TOGARAM1: variants seen among roughly 807,000 people sequenced by gnomAD.
The protein encoded by TOGARAM1 is TOG array regulator of axonemal microtubules protein 1.
A neutral mutation model predicts 166.6 loss-of-function variants in TOGARAM1; 100 were observed. That is an observed-to-expected ratio of 0.60 (90% confidence interval 0.51 to 0.71). The LOEUF (loss-of-function observed/expected upper bound fraction) is 0.71. TOGARAM1 is among the 30% of genes least tolerant of loss of function. The pLI is 0.00. For synonymous variants in TOGARAM1, 758 were observed against 763.8 expected (o/e 0.99, Z 0.13); for missense variants, 2,029 against 2,102.7 (o/e 0.96, Z 0.69).
At chr14:44,986,649 A>G (rs894154883) in intron 1 of TOGARAM1, among the ~76,000 whole-genome samples, 2 of 151,868 alleles carry the variant, frequency 1.3e-5, no homozygotes, top group African/African-American at 2.4e-5. Flanking sequence ...AAAACTTTGA[A>G]GTTTATTAAG....
intron 1 of TOGARAM1, among the ~76,000 whole-genome samples, chr14:44,982,029 G>A (rs183022253): frequency 6.6e-6 from 1 of 152,040 alleles, no homozygotes; most frequent in African/African-American, 2.4e-5. Context: ...TTTCAGTAGA[G>A]GTGGGGTTTT....
chr14:44,979,998 T>C (rs1013156964), intron 1 of TOGARAM1, among the ~76,000 whole-genome samples: 4 of 152,168 alleles, frequency 2.6e-5, no homozygotes, highest in Admixed American at 1.3e-4. Flanking sequence ...ATTAGTGTTA[T>C]AATATTGAAA....
In TOGARAM1 at chr14:44,963,223, G is replaced by A; in HGVS notation, c.802G>A (p.Glu268Lys). Reference protein sequence around the residue: ...ISLARKLGDQETEEESETAFS... With the variant: ...ISLARKLGDQKTEEESETAFS... ...CCTAGCCCGAAAGCTTGGTGATCAG[G>A]AGACAGAAGAAGAATCTGAGACAGC... is the stretch of plus-strand genomic sequence containing the variant. The change falls in exon 1 of 20, where the codon GAG (glutamate) becomes AAG (lysine). Residue 268 changes from glutamate to lysine, a missense_variant. Glu to Lys is a moderately conservative substitution (Grantham distance 56). This residue lies in a region of TOGARAM1 where 1,453 missense variants were observed against 1,432.2 expected (regional missense o/e 1.01). Coordinates refer to ENST00000361462, the MANE Select transcript of TOGARAM1 (RefSeq NM_001308120.2). 1 of 1,614,168 alleles carries A rather than the reference G, an allele frequency of 6.2e-7. No individual in the cohort carries two copies. The highest frequency in any genetic ancestry group is 8.5e-7 in the Non-Finnish European group (1 of 1,180,036).
rs555217689 is a variant in TOGARAM1 at position 45,073,646 on chromosome 14, G to C, written c.*85G>C. On this transcript the variant is annotated 3_prime_UTR_variant, in exon 20 of 20. Coordinates refer to ENST00000361462, the MANE Select transcript of TOGARAM1 (RefSeq NM_001308120.2). The stretch of plus-strand genomic sequence containing the variant: ...TCTAAAAGTTATGTTATCAGTGCCT[G>C]CACTTCACATCCAGCAAATTAAGTC... 7.8e-7 allele frequency: 1 copy of C among 1,278,540 alleles called. No homozygotes were observed. Among genetic ancestry groups the C allele is most frequent in the South Asian group, 1.5e-5 (1 of 67,722 alleles). 79.2% of individuals were successfully genotyped at this position (1,278,540 alleles called of 1,614,324 possible).
chr14:44,962,441 C>T lies in TOGARAM1; in HGVS notation c.20C>T (p.Ala7Val), dbSNP rs1474886577. The stretch of plus-strand genomic sequence containing the variant: ...CCCTGCATGGCGGCTGCCCCCTCCG[C>T]GCTGCTTCTGCTGCCGCCCTTTCCA... MAAAPS[A>V]LLLLPPFPVL... The change falls in exon 1 of 20, where the codon GCG becomes GTG. Residue 7 changes from alanine to valine, a missense_variant. Physicochemically the swap from Ala to Val is moderately conservative, Grantham distance 64 (BLOSUM62 0). Coordinates refer to ENST00000361462, the MANE Select transcript of TOGARAM1 (RefSeq NM_001308120.2). 3 of 1,570,570 alleles carry T rather than the reference C, an allele frequency of 1.9e-6. No homozygotes were observed. Among genetic ancestry groups the T allele is most frequent in the South Asian group, 2.3e-5 (2 of 85,656 alleles).
chr14:45,028,408 A>G, intron 10 of TOGARAM1, 79 bp downstream of exon 10: 1 of 1,381,062 alleles, frequency 7.2e-7, no homozygotes, highest in Non-Finnish European at 9.9e-7. Flanking sequence ...CACTGAGGGT[A>G]ATATATGACT....
At chr14:45,014,190 C>T (rs1362291075) in intron 7 of TOGARAM1, among the ~76,000 whole-genome samples, 3 of 151,932 alleles carry the variant, frequency 2.0e-5, no homozygotes, top group East Asian at 1.9e-4. Context: ...GGACTACAGG[C>T]GCCTGCCACT....
In TOGARAM1 at chr14:44,963,263, A is replaced by C; in HGVS notation, c.842A>C (p.Gln281Pro). 1 of 1,614,148 alleles carries C rather than the reference A, an allele frequency of 6.2e-7. No individual in the cohort carries two copies. Among genetic ancestry groups the C allele is most frequent in the Non-Finnish European group, 8.5e-7 (1 of 1,180,030 alleles). ...EESETAFSAL[Q>P]QIGERLGQDR... is the part of the protein sequence containing the mutation. Reference sequence around the variant, plus strand: ...TCTGAGACAGCTTTCTCCGCACTTCAACAAATTGGGGAGCGACTTGGCCAA... The same window carrying C: ...TCTGAGACAGCTTTCTCCGCACTTCCACAAATTGGGGAGCGACTTGGCCAA... Residue 281 changes from glutamine to proline, a missense_variant, in exon 1 of 20, where the codon CAA (glutamine) becomes CCA (proline). This residue lies in a region of TOGARAM1 where 1,453 missense variants were observed against 1,432.2 expected (regional missense o/e 1.01). Transcript: ENST00000361462.
chr14:44,964,077 T>C lies in TOGARAM1; in HGVS notation c.1656T>C (p.Ala552=). ...GTAAAACCAGCATCCTTTTTAAAGC[T>C]GTGGATACAGTTGAACTGCAAGATA... is the stretch of plus-strand genomic sequence containing the variant. ...GSGKTSILFK[A]VDTVELQDNG... Residue 552 remains alanine (A), a synonymous_variant, in exon 1 of 20, where the codon GCT becomes GCC. Coordinates refer to ENST00000361462, the MANE Select transcript of TOGARAM1 (RefSeq NM_001308120.2). 1 of 1,614,158 alleles carries C rather than the reference T, an allele frequency of 6.2e-7. No individual in the cohort carries two copies. The highest frequency in any genetic ancestry group is 8.5e-7 in the Non-Finnish European group (1 of 1,179,972).
intron 6 of TOGARAM1, among the ~76,000 whole-genome samples, chr14:45,010,179 A>AATATTAATG (rs367875784): frequency 7.2e-5 from 11 of 152,194 alleles, no homozygotes; most frequent in African/African-American, 2.7e-4. Flanking sequence ...TGTTCTAAAT[A>AATATTAATG]GATCATAATG....
At chr14:45,015,014 G>C (rs1169263365) in intron 7 of TOGARAM1, among the ~76,000 whole-genome samples, 3 of 152,002 alleles carry the variant, frequency 2.0e-5, no homozygotes, top group African/African-American at 7.3e-5. Context: ...TTTTTTAAAA[G>C]TCTATTTCAC....
At chr14:44,970,744 A>G (rs990526207) in intron 1 of TOGARAM1, among the ~76,000 whole-genome samples, 1 of 152,160 alleles carries the variant, frequency 6.6e-6, no homozygotes, top group South Asian at 2.1e-4. Flanking sequence ...TTTTCATCAT[A>G]TATGGATATT....
chr14:45,031,511 A>G (rs891340371), intron 10 of TOGARAM1, among the ~76,000 whole-genome samples: 20 of 152,312 alleles, frequency 1.3e-4, no homozygotes, highest in African/African-American at 4.8e-4. Flanking sequence ...CTAGAATTCT[A>G]CATACAGATG....
chr14:44,995,445 T>A, intron 1 of TOGARAM1: 2 of 468,452 alleles, frequency 4.3e-6, no homozygotes, highest in Non-Finnish European at 4.3e-6. Context: ...CTCCGTCAGA[T>A]CATTGTTTTT....
intron 11 of TOGARAM1, among the ~76,000 whole-genome samples, chr14:45,042,709 A>G (rs1039813665): frequency 1.3e-5 from 2 of 152,182 alleles, no homozygotes; most frequent in Non-Finnish European, 2.9e-5. Flanking sequence ...TGTGCCTAAA[A>G]AAATCAATAT....
At chr14:45,062,336 C>T (rs1336862044) in intron 16 of TOGARAM1, among the ~76,000 whole-genome samples, 1 of 152,128 alleles carries the variant, frequency 6.6e-6, no homozygotes, top group East Asian at 1.9e-4. Flanking sequence ...GTTGTGATTT[C>T]TGATAAATTG....
intron 16 of TOGARAM1, among the ~76,000 whole-genome samples, chr14:45,058,538 C>G (rs946640946): frequency 6.6e-6 from 1 of 152,172 alleles, no homozygotes; most frequent in African/African-American, 2.4e-5. Context: ...CATGATCCAT[C>G]TGCGTTGGCC....
intron 2 of TOGARAM1, chr14:44,996,361 AG>A (rs2138811021): frequency 6.6e-6 from 1 of 152,522 alleles, no homozygotes; most frequent in African/African-American, 2.4e-5. Flanking sequence ...TTTCAGGAAG[AG>A]GGAACAGTCA....
chr14:44,985,841 A>G (rs1444271897), intron 1 of TOGARAM1, among the ~76,000 whole-genome samples: 1 of 152,204 alleles, frequency 6.6e-6, no homozygotes, highest in Non-Finnish European at 1.5e-5. Flanking sequence ...AAGTTTGATG[A>G]TCAGTGATTT....
Sources: allele counts gnomAD v4.1 joint callset (sites outside exome capture counted in the v4.1 genomes callset), GRCh38; gene constraint gnomAD v4.1.1; regional missense constraint gnomAD v4.1.1; transcripts MANE v1.5; gene names NCBI Gene and HGNC (gene_info 2026-07-23, HGNC 2026-07-21).